Variants in ASAP1 observed in about 807,000 individuals in gnomAD.
The protein encoded by ASAP1 is ArfGAP with SH3 domain, ankyrin repeat and PH domain 1.
Under a neutral mutation model 145.2 loss-of-function variants are expected in ASAP1, and 43 were observed. That is an observed-to-expected ratio of 0.30 (90% confidence interval 0.23 to 0.38). The LOEUF (loss-of-function observed/expected upper bound fraction) is 0.38, where lower values mean the gene tolerates loss of function less well. Among genes scored for constraint, ASAP1 ranks in the 10% least tolerant of loss-of-function variants. ASAP1 has a pLI of 1.00. For missense variants in ASAP1, 1,018 were observed against 1,355.3 expected (o/e 0.75, Z 3.91); for synonymous variants, 546 against 515.5 (o/e 1.06, Z -0.80).
intron 1 of ASAP1, among the ~76,000 whole-genome samples, chr8:130,404,009 C>T (rs770973987): frequency 6.6e-6 from 1 of 152,138 alleles, no homozygotes; most frequent in East Asian, 1.9e-4. Flanking sequence ...CAGAGAAACT[C>T]TGCATCTTCA....
At chr8:130,438,049 G>A (rs959395670) in intron 1 of ASAP1, among the ~76,000 whole-genome samples, 2 of 152,208 alleles carry the variant, frequency 1.3e-5, no homozygotes, top group African/African-American at 2.4e-5. Flanking sequence ...GGCTGGCAGG[G>A]TGACCCCAGG....
chr8:130,055,147 C>G (rs1035177828), intron 29 of ASAP1, among the ~76,000 whole-genome samples: 2 of 152,142 alleles, frequency 1.3e-5, no homozygotes, highest in African/African-American at 4.8e-5. Flanking sequence ...CTCCCACAGG[C>G]GTGGGGCTCT....
chr8:130,132,021 T>C (rs1467952571), intron 15 of ASAP1, among the ~76,000 whole-genome samples: 1 of 152,168 alleles, frequency 6.6e-6, no homozygotes, highest in Non-Finnish European at 1.5e-5. Context: ...TCACCCAAAT[T>C]ACTCACCTGT....
At chr8:130,185,129 G>A (rs749471181) in intron 7 of ASAP1, among the ~76,000 whole-genome samples, 1 of 152,168 alleles carries the variant, frequency 6.6e-6, no homozygotes, top group Non-Finnish European at 1.5e-5. Context: ...ACATCAAAGA[G>A]ACAAATGCTT....
intron 27 of ASAP1, among the ~76,000 whole-genome samples, chr8:130,074,440 A>AAG (rs1554816915): frequency 8.4e-6 from 1 of 119,236 alleles, no homozygotes; most frequent in Non-Finnish European, 1.8e-5. Flanking sequence ...CCAAATAGTA[A>AAG]ACACACACAC....
At chr8:130,243,693 C>T (rs1262691631) in intron 3 of ASAP1, among the ~76,000 whole-genome samples, 1 of 152,174 alleles carries the variant, frequency 6.6e-6, no homozygotes, top group African/African-American at 2.4e-5. Context: ...TTTCTTAAAA[C>T]TCTCTTCGCC....
intron 2 of ASAP1, among the ~76,000 whole-genome samples, chr8:130,377,154 A>T (rs6415516): frequency 0.99 from 151,222 of 152,050 alleles, 75,230 homozygotes; most frequent in Middle Eastern, 1. Flanking sequence ...TTCTCACTCA[A>T]AAGTGGGAGC....
intron 3 of ASAP1, among the ~76,000 whole-genome samples, chr8:130,268,490 A>AACACAC (rs113714700): frequency 0.11 from 14,676 of 132,918 alleles, 900 homozygotes; most frequent in East Asian, 0.25. Context: ...CCCGTCTTAA[A>AACACAC]ACACACACAC....
chr8:130,378,984 A>G (rs1380984236), intron 2 of ASAP1, among the ~76,000 whole-genome samples: 1 of 152,176 alleles, frequency 6.6e-6, no homozygotes, highest in Non-Finnish European at 1.5e-5. Flanking sequence ...TCTGGCACAG[A>G]ACTCTTGCAG....
At chr8:130,179,412 T>G in intron 8 of ASAP1, 63 bp from the exon 9 acceptor site, 4 of 1,028,300 alleles carry the variant, frequency 3.9e-6, no homozygotes, top group African/African-American at 1.6e-5. Context: ...AGCCATGGGT[T>G]CAGGTGGCTG....
At chr8:130,384,557 C>A (rs963520414) in intron 2 of ASAP1, among the ~76,000 whole-genome samples, 2 of 152,192 alleles carry the variant, frequency 1.3e-5, no homozygotes, top group African/African-American at 4.8e-5. Flanking sequence ...TGGCTCACTG[C>A]AACCTCCCCC....
chr8:130,117,443 C>T (rs950885333), intron 20 of ASAP1, among the ~76,000 whole-genome samples: 1 of 152,298 alleles, frequency 6.6e-6, no homozygotes, highest in South Asian at 2.1e-4. Context: ...GAGGAAGAAA[C>T]CTGGACTTTT....
chr8:130,437,138 T>A (rs1048445370), intron 1 of ASAP1, among the ~76,000 whole-genome samples: 8 of 150,558 alleles, frequency 5.3e-5, no homozygotes. Flanking sequence ...AAATTAAAAC[T>A]CGATGAAAAA....
chr8:130,321,209 T>G (rs541430893), intron 3 of ASAP1, among the ~76,000 whole-genome samples: 1 of 152,262 alleles, frequency 6.6e-6, no homozygotes, highest in South Asian at 2.1e-4. Flanking sequence ...TAAGCCCCAG[T>G]GGCTACAGAG....
At chr8:130,311,659 G>T (rs1823350426) in intron 3 of ASAP1, among the ~76,000 whole-genome samples, 1 of 150,086 alleles carries the variant, frequency 6.7e-6, no homozygotes, top group Non-Finnish European at 1.5e-5. Context: ...TACTCGGGAG[G>T]CTGAGGCAAG....
chr8:130,115,797 C>A (rs1592836584), intron 22 of ASAP1, 62 bp from the exon 23 acceptor site: 4 of 1,228,290 alleles, frequency 3.3e-6, no homozygotes, highest in Non-Finnish European at 4.8e-6. Flanking sequence ...CAATATTATA[C>A]AAACACTGAG....
At chr8:130,164,674 T>C (rs2097676366) in intron 11 of ASAP1, among the ~76,000 whole-genome samples, 1 of 152,194 alleles carries the variant, frequency 6.6e-6, no homozygotes, top group South Asian at 2.1e-4. Context: ...TTACAAAAGC[T>C]TAATATAATT....
chr8:130,304,961 C>T (rs1388018490), intron 3 of ASAP1, among the ~76,000 whole-genome samples: 1 of 152,226 alleles, frequency 6.6e-6, no homozygotes, highest in Non-Finnish European at 1.5e-5. Context: ...AATCTGGCTC[C>T]TGCCACCTTT....
intron 4 of ASAP1, among the ~76,000 whole-genome samples, chr8:130,223,592 T>A (rs1817420301): frequency 6.6e-6 from 1 of 152,126 alleles, no homozygotes; most frequent in Non-Finnish European, 1.5e-5. Flanking sequence ...AATTTATACA[T>A]CATCTCAGAC....
Sources: gnomAD v4.1 joint callset for allele counts (sites outside exome capture counted in the v4.1 genomes callset) on GRCh38, gnomAD v4.1.1 for gene constraint, MANE v1.5 for transcripts, NCBI Gene and HGNC (gene_info 2026-07-23, HGNC 2026-07-21) for gene names.